CACNB2: variants seen among roughly 807,000 people sequenced by gnomAD.
The protein encoded by CACNB2 is voltage-dependent L-type calcium channel subunit beta-2.
A neutral mutation model predicts 73.3 loss-of-function variants in CACNB2; 42 were observed. The observed-to-expected ratio is 0.57, with a 90% confidence interval of 0.45 to 0.74. The LOEUF is 0.74. Among genes scored for constraint, CACNB2 ranks in the 30% least tolerant of loss-of-function variants. CACNB2 has a pLI of 0.00. For missense variants in CACNB2, 940 were observed against 853.0 expected, an observed-to-expected ratio of 1.10 and a Z score of -1.27; for synonymous variants, 348 against 310.3, an observed-to-expected ratio of 1.12 and a Z score of -1.28.
chr10:18,537,387 G>C (rs888383940), intron 12 of CACNB2, among the ~76,000 whole-genome samples: 1 of 152,124 alleles, frequency 6.6e-6, no homozygotes, highest in Non-Finnish European at 1.5e-5. Flanking sequence ...CTTTTGAAAA[G>C]TGGCATTATT....
At position 18,400,683 on chromosome 10, in the gene CACNB2, T is replaced by C. The variant is rs1373816252; in HGVS notation, c.214-1241T>C. Reference sequence around the variant, plus strand: ...CTGCGATTCTTTTACAACTAATTTCTTTTAACAATTTGAGCGCAGGGAAGA... The same window carrying C: ...CTGCGATTCTTTTACAACTAATTTCCTTTAACAATTTGAGCGCAGGGAAGA... On this transcript the variant is annotated intron_variant, in intron 2 of 13. Coordinates refer to ENST00000324631, the MANE Select transcript of CACNB2 (RefSeq NM_201596.3). The C allele has an allele frequency of 5.7e-6, 6 of 1,050,054 alleles. No individual in the cohort carries two copies. The African/African-American group carries it at 1.0e-4, about 18-fold the overall frequency. The allele number at this position is 1,050,054 out of a possible 1,614,324, so 65.0% of individuals were successfully genotyped here.
At chr10:18,348,501 A>G (rs1185414568) in intron 2 of CACNB2, among the ~76,000 whole-genome samples, 1 of 152,112 alleles carries the variant, frequency 6.6e-6, no homozygotes, top group Non-Finnish European at 1.5e-5. Flanking sequence ...AGACAGATAG[A>G]TGGATGGATA....
At chr10:18,180,085 C>T (rs562334927) in intron 2 of CACNB2, among the ~76,000 whole-genome samples, 2 of 152,092 alleles carry the variant, frequency 1.3e-5, no homozygotes, top group East Asian at 1.9e-4. Context: ...AGCGTATCAG[C>T]GTGTATTTAT....
intron 7 of CACNB2, 123 bp downstream of exon 7, chr10:18,514,492 C>G (rs148536895): frequency 6.2e-7 from 1 of 1,614,026 alleles, no homozygotes; most frequent in East Asian, 2.2e-5. Flanking sequence ...TTATTTGTTT[C>G]TTTTCCATGC....
At chr10:18,215,441 AG>A (rs1172769520) in intron 2 of CACNB2, among the ~76,000 whole-genome samples, 1 of 152,196 alleles carries the variant, frequency 6.6e-6, no homozygotes, top group East Asian at 1.9e-4. Context: ...GACCAATCTG[AG>A]GATTTGCAAA....
intron 2 of CACNB2, among the ~76,000 whole-genome samples, chr10:18,254,602 G>A (rs1054854175): frequency 1.3e-5 from 2 of 152,116 alleles, no homozygotes; most frequent in Non-Finnish European, 2.9e-5. Flanking sequence ...ACACTTTGGT[G>A]AGAAATAAAG....
chr10:18,210,055 T>G (rs1262404421), intron 2 of CACNB2, among the ~76,000 whole-genome samples: 2 of 152,142 alleles, frequency 1.3e-5, no homozygotes, highest in Admixed American at 1.3e-4. Flanking sequence ...GAGGTCTCCT[T>G]TTGAGTTACA....
intron 2 of CACNB2, among the ~76,000 whole-genome samples, chr10:18,386,607 C>T (rs985846112): frequency 3.9e-5 from 6 of 151,954 alleles, no homozygotes; most frequent in Middle Eastern, 6.9e-3. Flanking sequence ...AGGGTTTCAC[C>T]GTGTTAGCCA....
At chr10:18,454,814 G>A (rs781478835) in intron 3 of CACNB2, among the ~76,000 whole-genome samples, 1 of 152,206 alleles carries the variant, frequency 6.6e-6, no homozygotes, top group Non-Finnish European at 1.5e-5. Context: ...CAAGGCAGGA[G>A]AATTGCTTGA....
intron 3 of CACNB2, among the ~76,000 whole-genome samples, chr10:18,494,731 T>C (rs2049683526): frequency 6.6e-6 from 1 of 151,686 alleles, no homozygotes; most frequent in African/African-American, 2.4e-5. Context: ...ACTTTTGTGA[T>C]CAGAAACTTT....
chr10:18,514,479 C>A lies in CACNB2; in HGVS notation c.804+110C>A, dbSNP rs752654411. Reference sequence around the variant, plus strand: ...TTGATAAGCCAATAACGTGCATGCTCTGTTATTTGTTTCTTTTCCATGCTG... The same window carrying A: ...TTGATAAGCCAATAACGTGCATGCTATGTTATTTGTTTCTTTTCCATGCTG... On this transcript the variant is annotated intron_variant, in intron 7 of 13. Coordinates refer to ENST00000324631, the MANE Select transcript of CACNB2 (RefSeq NM_201596.3). The A allele has an allele frequency of 3.7e-6, 6 of 1,613,838 alleles. No individual in the cohort carries two copies. In the South Asian group the frequency reaches 6.6e-5, roughly 18 times the overall value.
intron 2 of CACNB2, among the ~76,000 whole-genome samples, chr10:18,199,364 G>T (rs1040232432): frequency 1.3e-5 from 2 of 152,156 alleles, no homozygotes; most frequent in African/African-American, 4.8e-5. Flanking sequence ...AGGAAGAAAA[G>T]CAGAGAAGGG....
At chr10:18,244,155 AT>A (rs1330257818) in intron 2 of CACNB2, among the ~76,000 whole-genome samples, 7 of 152,158 alleles carry the variant, frequency 4.6e-5, no homozygotes, top group African/African-American at 1.7e-4. Flanking sequence ...TGTCTTTGAT[AT>A]TTACTGCAAT....
chr10:18,254,234 G>A, intron 2 of CACNB2, among the ~76,000 whole-genome samples: 1 of 152,146 alleles, frequency 6.6e-6, no homozygotes, highest in East Asian at 1.9e-4. Context: ...TTGCTACATT[G>A]TATTCCTTTA....
At position 18,413,158 on chromosome 10, in the gene CACNB2, G is replaced by T. The variant is rs142377464; in HGVS notation, c.333+11115G>T. ...GGTAATTTTTTGTATTTTTAGTAGA[G>T]ATGGGGCTTCACCCTGTTGACCAGG... On this transcript the variant is annotated intron_variant, in intron 3 of 13. Transcript: ENST00000324631. Among the ~76,000 whole-genome samples the T allele has an allele frequency of 7.9e-3, 1,202 of 152,242 alleles. 22 individuals carry two copies. Among genetic ancestry groups the T allele is most frequent in the African/African-American group, 0.027 (1,139 of 41,548 alleles).
chr10:18,353,766 T>C (rs772651999), intron 2 of CACNB2, among the ~76,000 whole-genome samples: 2 of 152,256 alleles, frequency 1.3e-5, no homozygotes, highest in Non-Finnish European at 1.5e-5. Flanking sequence ...TTCTTTATAC[T>C]GCTCTATGGC....
intron 2 of CACNB2, among the ~76,000 whole-genome samples, chr10:18,183,812 G>A (rs1432955038): frequency 1.3e-5 from 2 of 152,140 alleles, no homozygotes; most frequent in South Asian, 2.1e-4. Context: ...CTAGGAGGCC[G>A]AGTGGTACAA....
chr10:18,219,459 A>G (rs1472044990), intron 2 of CACNB2, among the ~76,000 whole-genome samples: 2 of 152,192 alleles, frequency 1.3e-5, no homozygotes, highest in Non-Finnish European at 2.9e-5. Context: ...TAATTTTTAA[A>G]TATAGTTCTA....
intron 1 of CACNB2, among the ~76,000 whole-genome samples, chr10:18,141,674 AC>A (rs2030424113): frequency 9.0e-6 from 1 of 111,236 alleles, no homozygotes; most frequent in East Asian, 2.1e-4. Context: ...GGTGGTTTTT[AC>A]GTTTTTACGT....
Sources: allele counts gnomAD v4.1 joint callset (sites outside exome capture counted in the v4.1 genomes callset), GRCh38; gene constraint gnomAD v4.1.1; transcripts MANE v1.5; gene names NCBI Gene and HGNC (gene_info 2026-07-23, HGNC 2026-07-21).